The following ZNF492 variants were observed in gnomAD, a reference collection of about 807,000 sequenced individuals.
ZNF492 encodes zinc finger protein 492, also known as zinc finger protein 115 (Y20).
In ZNF492, 3 loss-of-function variants were observed where a neutral mutation model predicts 6.4. The ratio of observed to expected loss-of-function variants is 0.47; its 90% CI spans 0.21 to 1.22. The LOEUF (loss-of-function observed/expected upper bound fraction) is 1.22, where lower values mean the gene tolerates loss of function less well. Among genes scored for constraint, ZNF492 ranks in the 50% most tolerant of loss-of-function variants. The pLI, the probability that ZNF492 is intolerant of heterozygous loss-of-function variation, is 0.22. For missense variants in ZNF492, 356 were observed against 612.5 expected (o/e 0.58, Z 4.42); for synonymous variants, 112 against 205.3 (o/e 0.55, Z 3.89).
chr19:22,644,385 C>T (rs1021693291), intron 1 of ZNF492, among the ~76,000 whole-genome samples: 25 of 152,276 alleles, frequency 1.6e-4, no homozygotes, highest in African/African-American at 5.8e-4. Flanking sequence ...CCTTGCCCCC[C>T]ACTCCACAAC....
intron 1 of ZNF492, among the ~76,000 whole-genome samples, chr19:22,643,950 C>T (rs1303358741): frequency 6.6e-6 from 1 of 152,086 alleles, no homozygotes; most frequent in Non-Finnish European, 1.5e-5. Flanking sequence ...GCAGAAATTG[C>T]TGGCAGGGGA....
At chr19:22,639,781 A>G (rs1971808202) in intron 1 of ZNF492, among the ~76,000 whole-genome samples, 1 of 150,362 alleles carries the variant, frequency 6.7e-6, no homozygotes, top group South Asian at 2.1e-4. Flanking sequence ...CAGATACAGC[A>G]TTATGTCATC....
intron 1 of ZNF492, among the ~76,000 whole-genome samples, chr19:22,645,395 A>G (rs912992076): frequency 6.6e-6 from 1 of 152,062 alleles, no homozygotes; most frequent in Non-Finnish European, 1.5e-5. Context: ...AATTTTTAAA[A>G]GTTTCTTGTA....
intron 1 of ZNF492, among the ~76,000 whole-genome samples, chr19:22,640,929 A>G (rs1158388657): frequency 6.6e-6 from 1 of 152,084 alleles, no homozygotes; most frequent in Non-Finnish European, 1.5e-5. Context: ...GTAGACTTCA[A>G]TATATTTTTG....
chr19:22,663,907 C>T lies in ZNF492; in HGVS notation c.238C>T (p.Gln80Ter), dbSNP rs769629315. 1.9e-6 allele frequency: 3 copies of T among 1,595,260 alleles called. No individual in the cohort carries two copies. The highest frequency in any genetic ancestry group is 4.5e-5 in the East Asian group (2 of 44,572). Reference sequence around the variant, plus strand: ...TAAAAAATGTGGATGTGAAAATTTACAGTTAAGAAAATACTGTAAAAGCAT... The same window carrying T: ...TAAAAAATGTGGATGTGAAAATTTATAGTTAAGAAAATACTGTAAAAGCAT... ...RYKKCGCENL[Q>*]LRKYCKSMDE... Residue 80 changes from glutamine to a stop codon, truncating the protein, a stop_gained, in exon 4 of 4, where the codon CAG becomes TAG. Transcript: ENST00000456783. LOFTEE classifies it low-confidence loss of function (END_TRUNC).
At chr19:22,642,474 CT>C in intron 1 of ZNF492, among the ~76,000 whole-genome samples, 1 of 127,046 alleles carries the variant, frequency 7.9e-6, no homozygotes. Flanking sequence ...ACTGCAAGCT[CT>C]GCCTCCCGGG....
intron 1 of ZNF492, among the ~76,000 whole-genome samples, chr19:22,643,930 T>C (rs1222722300): frequency 1.3e-5 from 2 of 152,200 alleles, no homozygotes; most frequent in Admixed American, 6.5e-5. Context: ...CTCATACTTT[T>C]GTTACTGTAG....
In ZNF492 at chr19:22,655,813, G is replaced by GTTTTT. The variant is rs760041910; in HGVS notation, c.130+1800_130+1801insTTTTT. ...GCAAACACCTCTTCAAGTTTTTCTT[G>GTTTTT]TTGTTTTTTTTTTTTTTTTTTTTTT... On this transcript the variant is annotated intron_variant, in intron 3 of 3. Coordinates refer to ENST00000456783, the MANE Select transcript of ZNF492 (RefSeq NM_020855.3). 3.1e-4 allele frequency among the ~76,000 whole-genome samples: 20 copies of GTTTTT among 64,890 alleles called. 3 individuals are homozygous for GTTTTT. Among genetic ancestry groups the GTTTTT allele is most frequent in the Middle Eastern group, 8.8e-3 (1 of 114 alleles). 42.6% of individuals were successfully genotyped at this position (64,890 alleles called of 152,430 possible).
In ZNF492 at chr19:22,665,101, A is replaced by C; in HGVS notation, c.1432A>C (p.Lys478Gln). Residue 478 changes from lysine to glutamine, a missense_variant, in exon 4 of 4, where the codon AAG becomes CAG. This residue lies in a region of ZNF492 where 81 missense variants were observed against 115.4 expected (regional missense o/e 0.70). Coordinates refer to ENST00000456783, the MANE Select transcript of ZNF492 (RefSeq NM_020855.3). ...GATTCATACTGGAGAGAAACCCTAC[A>C]AGTGTGAAGAATGTGGCAAAGCCTT... Reference protein sequence around the residue: ...KMIHTGEKPYKCEECGKAFNN... With the variant: ...KMIHTGEKPYQCEECGKAFNN... 1 of 1,608,646 alleles carries C rather than the reference A, an allele frequency of 6.2e-7. No individual in the cohort carries two copies. The highest frequency in any genetic ancestry group is 8.5e-7 in the Non-Finnish European group (1 of 1,179,622).
At chr19:22,654,928 A>G (rs1971979327) in intron 3 of ZNF492, among the ~76,000 whole-genome samples, 1 of 151,712 alleles carries the variant, frequency 6.6e-6, no homozygotes, top group Non-Finnish European at 1.5e-5. Context: ...TTGCTGTAAA[A>G]AAAAAATACT....
rs1568354745 is a variant in ZNF492 at position 22,652,228 on chromosome 19, T to TGCATTTATCTGTC, written c.-93-1079_-93-1078insGCATTTATCTGTC. ...CAGCTGACCTTTCTTAGGCTTTTTT[T>TGCATTTATCTGTC]TTTTTTTTTTGAGACGGAGTCTCGC... On this transcript the variant is annotated intron_variant, in intron 1 of 3. Coordinates refer to ENST00000456783, the MANE Select transcript of ZNF492 (RefSeq NM_020855.3). Among the ~76,000 whole-genome samples the TGCATTTATCTGTC allele has an allele frequency of 3.7e-3, 433 of 118,308 alleles. 5 individuals are homozygous for TGCATTTATCTGTC. Among genetic ancestry groups the TGCATTTATCTGTC allele is most frequent in the African/African-American group, 7.1e-3 (135 of 19,052 alleles). 77.6% of individuals were successfully genotyped at this position (118,308 alleles called of 152,430 possible).
At chr19:22,662,091 A>G (rs1972064861) in intron 3 of ZNF492, among the ~76,000 whole-genome samples, 1 of 151,944 alleles carries the variant, frequency 6.6e-6, no homozygotes, top group African/African-American at 2.4e-5. Flanking sequence ...CCAGCCCCTC[A>G]TACCCCGACA....
rs774754398 is a variant in ZNF492, at chr19:22,665,278, T to C, written c.*13T>C. 5 of 1,530,692 alleles carry C rather than the reference T, an allele frequency of 3.3e-6. No homozygotes were observed. In the East Asian group the frequency reaches 9.5e-5, roughly 29 times the overall value. The allele number at this position is 1,530,692 out of a possible 1,614,324, so 94.8% of individuals were successfully genotyped here. On this transcript the variant is annotated 3_prime_UTR_variant, in exon 4 of 4. Transcript: ENST00000456783. ...TGGTGAGAAATAATAGAAATATGAATGTGACAAAGCCTTTAAATGGTTATC... is the reference window on the plus strand; with the variant it reads ...TGGTGAGAAATAATAGAAATATGAACGTGACAAAGCCTTTAAATGGTTATC...
intron 3 of ZNF492, among the ~76,000 whole-genome samples, chr19:22,661,853 G>A (rs1194020668): frequency 1.3e-5 from 2 of 151,984 alleles, no homozygotes; most frequent in Non-Finnish European, 2.9e-5. Context: ...CACCTTGGCC[G>A]CCAAAGTGCT....
intron 3 of ZNF492, among the ~76,000 whole-genome samples, chr19:22,655,810 C>CTTTTTTTTT (rs1568355644): frequency 1.7e-5 from 1 of 59,380 alleles, no homozygotes; most frequent in African/African-American, 7.4e-5. Flanking sequence ...TCAAGTTTTT[C>CTTTTTTTTT]TTGTTGTTTT....
At chr19:22,659,946 G>A (rs9710074) in intron 3 of ZNF492, among the ~76,000 whole-genome samples, 29,427 of 151,996 alleles carry the variant, frequency 0.19, 3,705 homozygotes, top group African/African-American at 0.36. Context: ...GATTACAGGC[G>A]TGAGCCACCA....
intron 3 of ZNF492, among the ~76,000 whole-genome samples, chr19:22,659,458 G>A (rs887749738): frequency 1.5e-4 from 23 of 151,618 alleles, no homozygotes; most frequent in African/African-American, 4.9e-4. Flanking sequence ...TTTTATTACG[G>A]AAAATGCAGT....
In ZNF492 at chr19:22,644,690, C is replaced by T. The variant is rs1319457985; in HGVS notation, c.-93-8617C>T. On this transcript the variant is annotated intron_variant, in intron 1 of 3. Transcript: ENST00000456783. ...TGTAAATAGTGCTGCAGTAAACATA[C>T]GTGTGCATGTGTCTTTATAATAGAA... Among the ~76,000 whole-genome samples the T allele has an allele frequency of 5.3e-5, 8 of 152,212 alleles. No individual in the cohort carries two copies. In the East Asian group the frequency reaches 9.6e-4, roughly 18 times the overall value.
intron 3 of ZNF492, among the ~76,000 whole-genome samples, chr19:22,655,167 G>A (rs1002474114): frequency 1.1e-4 from 17 of 151,664 alleles, no homozygotes; most frequent in Middle Eastern, 3.4e-3. Flanking sequence ...GGTGACAGGC[G>A]CCTGTAATTC....
Sources: allele counts gnomAD v4.1 joint callset (sites outside exome capture counted in the v4.1 genomes callset), GRCh38; gene constraint gnomAD v4.1.1; regional missense constraint gnomAD v4.1.1; transcripts MANE v1.5; gene names NCBI Gene and HGNC (gene_info 2026-07-23, HGNC 2026-07-21).